Variants in TMEM116 observed in about 807,000 individuals in gnomAD.
TMEM116 encodes the protein transmembrane protein 116.
A neutral mutation model predicts 44.3 loss-of-function variants in TMEM116; 38 were observed. The observed-to-expected ratio is 0.86, with a 90% CI of 0.66 to 1.12. TMEM116 has a LOEUF of 1.12. Ranked by LOEUF, TMEM116 falls within the 50% of genes most tolerant of loss-of-function variation. The pLI, the probability that TMEM116 is intolerant of heterozygous loss-of-function variation, is 0.00. For synonymous variants in TMEM116, 132 were observed against 144.8 expected (o/e 0.91, Z 0.64); for missense variants, 354 against 401.7 (o/e 0.88, Z 1.01).
intron 5 of TMEM116, among the ~76,000 whole-genome samples, chr12:111,940,531 A>ATATATATATACACACATATATATGTGTG (rs1565874101): frequency 2.4e-3 from 284 of 116,632 alleles, no homozygotes; most frequent in African/African-American, 0.012. Context: ...GTGTATATAT[A>ATATATATATACACACATATATATGTGTG]TATATATATA....
intron 3 of TMEM116, chr12:111,993,154 G>A (rs1250683093): frequency 3.5e-6 from 1 of 287,370 alleles, no homozygotes; most frequent in Admixed American, 3.9e-5. Context: ...TAAAAGTACA[G>A]TTGTGAATTT....
intron 5 of TMEM116, among the ~76,000 whole-genome samples, chr12:111,940,240 T>G (rs1046619747): frequency 6.6e-6 from 1 of 151,816 alleles, no homozygotes; most frequent in African/African-American, 2.4e-5. Flanking sequence ...ACCACTGCAC[T>G]CCAGCCTGGG....
intron 4 of TMEM116, among the ~76,000 whole-genome samples, chr12:111,988,576 G>A (rs190206762): frequency 4.3e-4 from 65 of 152,146 alleles, no homozygotes; most frequent in South Asian, 3.1e-3. Context: ...GCGCATGCCT[G>A]TAGTCCCAGC....
rs2077517326 is a variant in TMEM116 at position 112,005,271 on chromosome 12, G to C, written c.-1C>G. 3 of 1,340,060 alleles carry C rather than the reference G, an allele frequency of 2.2e-6. No homozygotes were observed. The South Asian group carries it at 6.0e-5, about 27-fold the overall frequency. The allele number at this position is 1,340,060 out of a possible 1,614,324, so 83.0% of individuals were successfully genotyped here. A position where few individuals can be genotyped will look rare whatever the true frequency, so the allele number is the denominator to read the frequency against. On this transcript the variant is annotated 5_prime_UTR_variant, in exon 2 of 11. Transcript: ENST00000552374. ...AATAAACATACCTCAGAGTAGCCAT[G>C]ACAAATTGTATCCACTGTATTGCAG...
At chr12:112,003,978 AC>A in intron 2 of TMEM116, 115 bp from the exon 3 acceptor site, 1 of 1,357,662 alleles carries the variant, frequency 7.4e-7, no homozygotes, top group Non-Finnish European at 9.4e-7. Flanking sequence ...TATAAAATAA[AC>A]TGCATTAAAA....
chr12:111,999,598 CA>C (rs938690465), intron 3 of TMEM116, among the ~76,000 whole-genome samples: 140 of 143,568 alleles, frequency 9.8e-4, no homozygotes, highest in Non-Finnish European at 1.8e-3. Context: ...GACTCCATCT[CA>C]AAAAAAAAAT....
intron 5 of TMEM116, among the ~76,000 whole-genome samples, chr12:111,938,834 A>G (rs2072408269): frequency 6.6e-6 from 1 of 152,224 alleles, no homozygotes; most frequent in Non-Finnish European, 1.5e-5. Context: ...AAGACTTTGA[A>G]CAGAACATCT....
chr12:112,009,843 CA>C (rs761769238), intron 1 of TMEM116, among the ~76,000 whole-genome samples: 99 of 111,954 alleles, frequency 8.8e-4, no homozygotes, highest in East Asian at 2.3e-3. Flanking sequence ...GACTCTGTCT[CA>C]AAAAAAAAAA....
intron 4 of TMEM116, among the ~76,000 whole-genome samples, chr12:111,949,167 T>C (rs2073525962): frequency 1.3e-5 from 2 of 152,136 alleles, no homozygotes; most frequent in African/African-American, 4.8e-5. Flanking sequence ...AAAATCTTTT[T>C]CTCTTAAGCT....
intron 4 of TMEM116, among the ~76,000 whole-genome samples, chr12:111,945,278 A>T (rs1056285765): frequency 1.4e-5 from 2 of 139,218 alleles, no homozygotes; most frequent in Non-Finnish European, 3.1e-5. Flanking sequence ...CAGGAGGTGA[A>T]GGTTGCAGTA....
chr12:111,966,288 A>G (rs2074978441), intron 4 of TMEM116, among the ~76,000 whole-genome samples: 2 of 152,182 alleles, frequency 1.3e-5, no homozygotes, highest in Non-Finnish European at 2.9e-5. Flanking sequence ...CCTGGGCAAC[A>G]GAGCAAGACT....
chr12:111,960,492 A>AG (rs2074499717), intron 4 of TMEM116, among the ~76,000 whole-genome samples: 1 of 85,410 alleles, frequency 1.2e-5, no homozygotes, highest in Non-Finnish European at 2.2e-5. Flanking sequence ...ACTCCGTCTC[A>AG]AAAAAAAAAA....
chr12:111,963,853 G>T (rs1038861657), intron 4 of TMEM116, among the ~76,000 whole-genome samples: 1 of 152,070 alleles, frequency 6.6e-6, no homozygotes, highest in African/African-American at 2.4e-5. Context: ...TAGAGGCAAT[G>T]AAATTAGTTT....
chr12:111,942,179 C>G (rs1289146359), intron 5 of TMEM116, among the ~76,000 whole-genome samples: 5 of 152,150 alleles, frequency 3.3e-5, no homozygotes, highest in Non-Finnish European at 7.3e-5. Flanking sequence ...CTCAGGTGAT[C>G]CACCCATCTT....
At chr12:111,942,197 C>G (rs2072887902) in intron 5 of TMEM116, among the ~76,000 whole-genome samples, 4 of 152,138 alleles carry the variant, frequency 2.6e-5, no homozygotes, top group Admixed American at 1.3e-4. Flanking sequence ...CTTGGCTTCC[C>G]AGAGTGCTAG....
At chr12:111,955,331 G>A (rs1049385312) in intron 4 of TMEM116, among the ~76,000 whole-genome samples, 2 of 152,148 alleles carry the variant, frequency 1.3e-5, no homozygotes, top group Admixed American at 6.5e-5. Flanking sequence ...CAGGGTCTGC[G>A]GGTTGGACCT....
At chr12:112,000,457 C>T (rs866750791) in intron 3 of TMEM116, among the ~76,000 whole-genome samples, 6 of 151,846 alleles carry the variant, frequency 4.0e-5, no homozygotes, top group African/African-American at 4.8e-5. Flanking sequence ...CAGCACAGAG[C>T]GAGCTACTAT....
intron 4 of TMEM116, among the ~76,000 whole-genome samples, chr12:111,983,436 T>C (rs923001967): frequency 1.3e-5 from 2 of 149,940 alleles, no homozygotes; most frequent in African/African-American, 4.9e-5. Flanking sequence ...AGCAAGACTC[T>C]ATCTAAAAAA....
Position 111,953,416 on chromosome 12 carries a change from C to A in TMEM116, c.211-10047G>T, listed in dbSNP as rs183254638. ...AGATCTTGATCAAAGGGGAGAAATG[C>A]GAAAATTGTCAGAATCAAAATGGAG... On this transcript the variant is annotated intron_variant, in intron 4 of 10. Coordinates refer to ENST00000552374, the MANE Select transcript of TMEM116 (RefSeq NM_001193531.2). Among the ~76,000 whole-genome samples, 20 of 152,238 alleles carry A rather than the reference C, an allele frequency of 1.3e-4. No homozygotes were observed. The East Asian group carries it at 3.5e-3, about 26-fold the overall frequency.
Sources: gnomAD v4.1 joint callset for allele counts (sites outside exome capture counted in the v4.1 genomes callset) on GRCh38, gnomAD v4.1.1 for gene constraint, MANE v1.5 for transcripts, NCBI Gene and HGNC (gene_info 2026-07-23, HGNC 2026-07-21) for gene names.